Variants in LRRTM4 observed in about 807,000 individuals in gnomAD.
LRRTM4 encodes the protein leucine-rich repeat transmembrane neuronal protein 4.
LRRTM4 carries 25 observed loss-of-function variants against 47.6 expected under a neutral mutation model. The ratio of observed to expected loss-of-function variants is 0.53; its 90% confidence interval spans 0.38 to 0.73. The LOEUF (loss-of-function observed/expected upper bound fraction) is 0.73. LRRTM4 is among the 30% of genes least tolerant of loss of function. LRRTM4 has a pLI of 0.00. For missense variants in LRRTM4, 638 were observed against 713.4 expected, an observed-to-expected ratio of 0.89 and a Z score of 1.20; for synonymous variants, 311 against 269.5, an observed-to-expected ratio of 1.15 and a Z score of -1.51.
At chr2:77,498,277 G>A (rs891028852) in intron 3 of LRRTM4, among the ~76,000 whole-genome samples, 1 of 151,606 alleles carries the variant, frequency 6.6e-6, no homozygotes, top group Admixed American at 6.6e-5. Flanking sequence ...CGTGAAAATT[G>A]CTTCCTCTAG....
chr2:77,503,922 G>A (rs1573503023), intron 3 of LRRTM4, among the ~76,000 whole-genome samples: 2 of 151,802 alleles, frequency 1.3e-5, no homozygotes, highest in South Asian at 2.1e-4. Context: ...CTTAGCAAGA[G>A]CTGTTTGGAT....
intron 3 of LRRTM4, among the ~76,000 whole-genome samples, chr2:77,047,195 T>C (rs1333105334): frequency 1.3e-5 from 2 of 152,050 alleles, no homozygotes; most frequent in East Asian, 1.9e-4. Context: ...AATAAGGTGA[T>C]TGCATTATTA....
intron 3 of LRRTM4, among the ~76,000 whole-genome samples, chr2:77,004,785 C>T (rs1000085952): frequency 2.6e-5 from 4 of 152,172 alleles, no homozygotes; most frequent in Admixed American, 6.5e-5. Flanking sequence ...TGCAACTGCA[C>T]AGGAGCGAAG....
chr2:76,845,908 AAAC>A (rs1437265099), intron 3 of LRRTM4, among the ~76,000 whole-genome samples: 3 of 152,122 alleles, frequency 2.0e-5, no homozygotes, highest in Admixed American at 2.0e-4. Context: ...AAAGGTGATA[AAAC>A]AGGGAATACA....
At chr2:77,135,390 A>C (rs973617395) in intron 3 of LRRTM4, among the ~76,000 whole-genome samples, 1 of 152,204 alleles carries the variant, frequency 6.6e-6, no homozygotes, top group Non-Finnish European at 1.5e-5. Context: ...GTACAGGTAC[A>C]GAGTTATCAG....
intron 3 of LRRTM4, among the ~76,000 whole-genome samples, chr2:76,807,938 T>A (rs796809034): frequency 7.5e-6 from 1 of 132,500 alleles, no homozygotes; most frequent in African/African-American, 3.3e-5. Context: ...CTTTCCTTTC[T>A]TTCTTTCTTT....
intron 3 of LRRTM4, among the ~76,000 whole-genome samples, chr2:77,360,476 T>TACGATAC (rs1672151691): frequency 1.6e-5 from 2 of 123,194 alleles, no homozygotes; most frequent in East Asian, 2.5e-4. Flanking sequence ...CAATACGATA[T>TACGATAC]GATACGATAC....
At chr2:76,797,783 A>G (rs1360932230) in intron 3 of LRRTM4, among the ~76,000 whole-genome samples, 1 of 150,224 alleles carries the variant, frequency 6.7e-6, no homozygotes, top group Non-Finnish European at 1.5e-5. Flanking sequence ...CTACCAAGCC[A>G]ATGGAAAACA....
chr2:77,494,551 C>T (rs1678288340), intron 3 of LRRTM4, among the ~76,000 whole-genome samples: 1 of 151,772 alleles, frequency 6.6e-6, no homozygotes, highest in South Asian at 2.1e-4. Context: ...GCTTCTACCA[C>T]TCTGAAAAAT....
At chr2:76,997,800 A>G (rs994473142) in intron 3 of LRRTM4, among the ~76,000 whole-genome samples, 4 of 152,070 alleles carry the variant, frequency 2.6e-5, no homozygotes, top group Non-Finnish European at 5.9e-5. Context: ...ATCTGTATCT[A>G]CAGCTGCTCC....
At chr2:77,183,331 T>C (rs1303050445) in intron 3 of LRRTM4, among the ~76,000 whole-genome samples, 1 of 151,994 alleles carries the variant, frequency 6.6e-6, no homozygotes, top group Non-Finnish European at 1.5e-5. Context: ...CATGAAAAAA[T>C]GCTCATCATC....
At chr2:77,424,400 G>T (rs1054297181) in intron 3 of LRRTM4, among the ~76,000 whole-genome samples, 2 of 151,138 alleles carry the variant, frequency 1.3e-5, no homozygotes, top group Non-Finnish European at 2.9e-5. Context: ...TTTGGCATTC[G>T]CAAGTTTTTC....
intron 3 of LRRTM4, among the ~76,000 whole-genome samples, chr2:77,126,866 G>T (rs886083359): frequency 2.0e-5 from 3 of 152,174 alleles, no homozygotes; most frequent in Non-Finnish European, 4.4e-5. Flanking sequence ...ATTCCTTTGG[G>T]TTCAAAGATA....
intron 3 of LRRTM4, among the ~76,000 whole-genome samples, chr2:76,807,425 C>CATATATATATATACAT (rs70939835): frequency 1.0e-5 from 1 of 98,080 alleles, no homozygotes. Context: ...TATATATATA[C>CATATATATATATACAT]ATATATATAT....
At chr2:77,454,228 G>T (rs146263867) in intron 3 of LRRTM4, among the ~76,000 whole-genome samples, 75 of 152,254 alleles carry the variant, frequency 4.9e-4, no homozygotes, top group African/African-American at 1.7e-3. Context: ...AACCTGTAAA[G>T]GTAGTTTCAC....
chr2:77,213,071 C>T (rs1200242260), intron 3 of LRRTM4, among the ~76,000 whole-genome samples: 8 of 152,136 alleles, frequency 5.3e-5, no homozygotes, highest in African/African-American at 1.7e-4. Context: ...GTTAATTGTT[C>T]TGAATTGGTG....
intron 3 of LRRTM4, among the ~76,000 whole-genome samples, chr2:77,434,062 C>T (rs1270163160): frequency 1.3e-5 from 2 of 152,136 alleles, no homozygotes; most frequent in Non-Finnish European, 2.9e-5. Context: ...ATAAAGTAGA[C>T]ATAATTGTCC....
chr2:77,495,208 T>A (rs1244070726), intron 3 of LRRTM4, among the ~76,000 whole-genome samples: 1 of 151,130 alleles, frequency 6.6e-6, no homozygotes, highest in Non-Finnish European at 1.5e-5. Context: ...TTAACTTTAA[T>A]CAACTGCCAA....
rs531234152 is a variant in LRRTM4 at position 77,243,227 on chromosome 2, T to C, written c.1551+275091A>G. ...CAGGAGTTCGAGAACAGCCTCAACATGGAGAAACCCCCATCTCTACTAAAA... is the reference window on the plus strand; with the variant it reads ...CAGGAGTTCGAGAACAGCCTCAACACGGAGAAACCCCCATCTCTACTAAAA... On this transcript the variant is annotated intron_variant, in intron 3 of 3. Transcript: ENST00000409884. 1.3e-4 allele frequency among the ~76,000 whole-genome samples: 20 copies of C among 151,862 alleles called. No individual in the cohort carries two copies. The South Asian group carries it at 3.3e-3, about 25-fold the overall frequency.
Sources: allele counts gnomAD v4.1 joint callset (sites outside exome capture counted in the v4.1 genomes callset), GRCh38; gene constraint gnomAD v4.1.1; transcripts MANE v1.5; gene names NCBI Gene and HGNC (gene_info 2026-07-23, HGNC 2026-07-21).